The following KCNC4 variants were observed in gnomAD, a reference collection of about 807,000 sequenced individuals.
KCNC4 encodes voltage-gated potassium channel KCNC4.
KCNC4 carries 23 observed loss-of-function variants against 42.8 expected under a neutral mutation model. The observed-to-expected ratio is 0.54, with a 90% confidence interval of 0.39 to 0.76. The LOEUF (loss-of-function observed/expected upper bound fraction) is 0.76. KCNC4 is among the 30% of genes least tolerant of loss of function. The probability of loss-of-function intolerance (pLI) is 0.00; values close to 1 mark genes in which losing one functional copy is unlikely to be tolerated. For missense variants in KCNC4, 751 were observed against 898.2 expected (o/e 0.84, Z 2.10); for synonymous variants, 422 against 393.5 (o/e 1.07, Z -0.86).
intron 1 of KCNC4, among the ~76,000 whole-genome samples, chr1:110,267,226 A>C (rs1266278291): frequency 6.6e-6 from 1 of 152,186 alleles, no homozygotes; most frequent in African/African-American, 2.4e-5. Context: ...GCTGGACTCC[A>C]GGTTGCTCAG....
Position 110,257,413 on chromosome 1 carries a change from C to CAA in KCNC4, n.31-25109_31-25108dup, listed in dbSNP as rs869271653. On this transcript the variant is annotated intron_variant and non_coding_transcript_variant, in intron 1 of 2. Transcript: ENST00000412512. ...TTGTGTTTGATTCCCTCCCCTGCCG[C>CAA]AAAAAAAAAAAAAGTCCAGGGACCG... Among the ~76,000 whole-genome samples the CAA allele has an allele frequency of 3.4e-3, 468 of 136,482 alleles. 2 individuals are homozygous for CAA. Among genetic ancestry groups the CAA allele is most frequent in the African/African-American group, 0.012 (454 of 37,464 alleles). 89.5% of individuals were successfully genotyped at this position (136,482 alleles called of 152,430 possible). A position where few individuals can be genotyped will look rare whatever the true frequency, so the allele number is the denominator to read the frequency against.
In KCNC4 at chr1:110,220,755, G is replaced by C. The variant is rs1658053124; in HGVS notation, c.679-2209G>C. 3 of 152,186 alleles carry C rather than the reference G, an allele frequency of 2.0e-5. No homozygotes were observed. The South Asian group carries it at 6.2e-4, about 32-fold the overall frequency. The allele number at this position is 152,186 out of a possible 1,614,324, so 9.4% of individuals were successfully genotyped here. On this transcript the variant is annotated intron_variant, in intron 1 of 3. Coordinates refer to ENST00000438661, the MANE Select transcript of KCNC4 (RefSeq NM_001039574.3). ...ACAGGCACTTTTGCCAGCCCACCTAGGGATGGCCATGGAGAGCCCACAGGC... is the reference window on the plus strand; with the variant it reads ...ACAGGCACTTTTGCCAGCCCACCTACGGATGGCCATGGAGAGCCCACAGGC...
At chr1:110,247,996 C>T (rs936778694) in exon 4 of KCNC4, 9 of 152,296 alleles carry the variant, frequency 5.9e-5, no homozygotes, top group African/African-American at 1.9e-4. Context: ...TAGATTAGAC[C>T]CACCTTTCCT....
chr1:110,254,648 G>A (rs1659301050), intron 1 of KCNC4, among the ~76,000 whole-genome samples: 1 of 152,214 alleles, frequency 6.6e-6, no homozygotes, highest in Non-Finnish European at 1.5e-5. Flanking sequence ...AGTGATTACG[G>A]GAACAAGGAG....
At chr1:110,282,366 C>T (rs759105493) in intron 1 of KCNC4, among the ~76,000 whole-genome samples, 4 of 152,252 alleles carry the variant, frequency 2.6e-5, no homozygotes, top group South Asian at 2.1e-4. Context: ...CACCTGTCAT[C>T]TCTCTGCTTC....
chr1:110,282,122 A>G (rs1659839076), intron 1 of KCNC4, among the ~76,000 whole-genome samples: 1 of 152,160 alleles, frequency 6.6e-6, no homozygotes, highest in Non-Finnish European at 1.5e-5. Flanking sequence ...TCATTCTCAT[A>G]CTCAGTGCCA....
chr1:110,246,014 G>A (rs1659138886), exon 4 of KCNC4: 1 of 152,218 alleles, frequency 6.6e-6, no homozygotes, highest in African/African-American at 2.4e-5. Context: ...TGTAAAGGGT[G>A]AGAAAAATCA....
In KCNC4 at chr1:110,210,410, C is replaced by T. The variant is rs1462137472; in HGVS notation, c.-1090C>T. 6.6e-6 allele frequency among the ~76,000 whole-genome samples: 1 copy of T among 151,622 alleles called. No homozygotes were observed. Among genetic ancestry groups the T allele is most frequent in the Admixed American group, 6.6e-5 (1 of 15,232 alleles). On this transcript the variant is annotated 5_prime_UTR_variant, in exon 1 of 4. Transcript: ENST00000438661. Reference sequence around the variant, plus strand: ...CGAGGCGCCCCCTCCCCTATGCCACCTCGCGCCCGCCCCCTGCCGCGCGCG... The same window carrying T: ...CGAGGCGCCCCCTCCCCTATGCCACTTCGCGCCCGCCCCCTGCCGCGCGCG...
chr1:110,210,422 C>A lies in KCNC4; in HGVS notation c.-1078C>A, dbSNP rs1571014802. Among the ~76,000 whole-genome samples, 1 of 151,544 alleles carries A rather than the reference C, an allele frequency of 6.6e-6. No homozygotes were observed. The highest frequency in any genetic ancestry group is 1.5e-5 in the Non-Finnish European group (1 of 67,814). ...TCCCCTATGCCACCTCGCGCCCGCC[C>A]CCTGCCGCGCGCGAGCCAAGGCCGG... is the stretch of plus-strand genomic sequence containing the variant. On this transcript the variant is annotated 5_prime_UTR_variant, in exon 1 of 4. Transcript: ENST00000438661.
chr1:110,230,425 A>G (rs1310115723), intron 3 of KCNC4, among the ~76,000 whole-genome samples: 1 of 152,208 alleles, frequency 6.6e-6, no homozygotes, highest in Non-Finnish European at 1.5e-5. Context: ...ACAGGGACAC[A>G]ACGAGCCGGG....
chr1:110,232,715 C>G (rs1658758431), intron 3 of KCNC4, 196 bp from the exon 4 acceptor site: 1 of 1,505,210 alleles, frequency 6.6e-7, no homozygotes, highest in Non-Finnish European at 8.8e-7. Context: ...GCCCTGGGTT[C>G]CTCATGCCTT....
At chr1:110,234,314 A>G (rs1378824771), downstream of KCNC4, 1 of 152,114 alleles carries the variant, frequency 6.6e-6, no homozygotes, top group Non-Finnish European at 1.5e-5. Flanking sequence ...CCCTGCCATA[A>G]CATGGAAGAA....
At chr1:110,249,322 C>G (rs542850033), downstream of KCNC4, among the ~76,000 whole-genome samples, 2 of 152,326 alleles carry the variant, frequency 1.3e-5, no homozygotes, top group South Asian at 4.1e-4. Context: ...CCTTTACCCT[C>G]CTGCCCATCT....
intron 1 of KCNC4, among the ~76,000 whole-genome samples, chr1:110,256,355 G>T (rs1659329514): frequency 6.6e-6 from 1 of 152,210 alleles, no homozygotes; most frequent in Admixed American, 6.5e-5. Context: ...TGAGCCCAAA[G>T]AATCTGTTAG....
exon 4 of KCNC4, chr1:110,245,664 A>G (rs2101060704): frequency 6.6e-6 from 1 of 152,300 alleles, no homozygotes; most frequent in East Asian, 1.9e-4. Flanking sequence ...CGCTCCCATA[A>G]CACACGCCCA....
Position 110,233,029 on chromosome 1 carries a change from A to G in KCNC4, c.*57A>G, listed in dbSNP as rs1035587685. 6.4e-7 allele frequency: 1 copy of G among 1,564,120 alleles called. No individual in the cohort carries two copies. Among genetic ancestry groups the G allele is most frequent in the Non-Finnish European group, 8.7e-7 (1 of 1,149,438 alleles). On this transcript the variant is annotated 3_prime_UTR_variant, in exon 4 of 4. Coordinates refer to ENST00000438661, the MANE Select transcript of KCNC4 (RefSeq NM_001039574.3). ...AGACAGAAAGCCAGAGGCTTAGGGA[A>G]ACTCTGGAACCCAGACAAGAATCTT...
intron 3 of KCNC4, among the ~76,000 whole-genome samples, chr1:110,231,164 T>C (rs1658669776): frequency 1.3e-5 from 2 of 152,110 alleles, no homozygotes; most frequent in South Asian, 4.2e-4. Flanking sequence ...TTCTGAGAGG[T>C]AGAACCAGAA....
intron 3 of KCNC4, 109 bp from the exon 4 acceptor site, chr1:110,232,802 T>C: frequency 6.5e-7 from 1 of 1,546,142 alleles, no homozygotes; most frequent in Non-Finnish European, 8.7e-7. Flanking sequence ...GTCTCATTCT[T>C]TGTTTCTCCC....
chr1:110,238,968 G>C (rs1489793639), downstream of KCNC4: 1 of 152,088 alleles, frequency 6.6e-6, no homozygotes, highest in Non-Finnish European at 1.5e-5. Flanking sequence ...CTATTACCAA[G>C]TTCTACATTT....
Sources: gnomAD v4.1 joint callset for allele counts (sites outside exome capture counted in the v4.1 genomes callset) on GRCh38, gnomAD v4.1.1 for gene constraint, MANE v1.5 for transcripts, NCBI Gene and HGNC (gene_info 2026-07-23, HGNC 2026-07-21) for gene names.